The following XPO6 variants were observed in gnomAD, a reference collection of about 807,000 sequenced individuals.
XPO6 encodes the protein exportin-6.
XPO6 carries 3 observed loss-of-function variants against 130.0 expected under a neutral mutation model. That is an observed-to-expected ratio of 0.02 (90% CI 0.01 to 0.06). The LOEUF is 0.06. Ranked by LOEUF, XPO6 falls within the 10% of genes least tolerant of loss-of-function variation. The pLI is 1.00. For synonymous variants in XPO6, 524 were observed against 548.9 expected (o/e 0.95, Z 0.63); for missense variants, 970 against 1,393.0 (o/e 0.70, Z 4.83).
intron 9 of XPO6, among the ~76,000 whole-genome samples, chr16:28,137,075 T>C (rs1384445945): frequency 6.6e-6 from 1 of 152,258 alleles, no homozygotes; most frequent in Non-Finnish European, 1.5e-5. Flanking sequence ...CAGAAGCAAC[T>C]GGTTCCGGTT....
chr16:28,180,012 A>G (rs7185547), intron 2 of XPO6, among the ~76,000 whole-genome samples: 7 of 152,260 alleles, frequency 4.6e-5, no homozygotes, highest in African/African-American at 1.2e-4. Flanking sequence ...TAAAAGAATC[A>G]AAAGCATTTC....
chr16:28,135,964 T>C (rs1225109137), intron 9 of XPO6, among the ~76,000 whole-genome samples: 1 of 152,224 alleles, frequency 6.6e-6, no homozygotes, highest in Non-Finnish European at 1.5e-5. Flanking sequence ...TTACTAAGTA[T>C]TTTCAAGTTA....
chr16:28,201,369 T>C (rs1003943404), intron 1 of XPO6, among the ~76,000 whole-genome samples: 1 of 152,148 alleles, frequency 6.6e-6, no homozygotes, highest in Non-Finnish European at 1.5e-5. Flanking sequence ...TAATTACTCA[T>C]GTATCTGCTG....
chr16:28,185,960 C>A (rs866203714), intron 1 of XPO6, among the ~76,000 whole-genome samples: 43 of 152,284 alleles, frequency 2.8e-4, no homozygotes, highest in South Asian at 1.0e-3. Context: ...TGCAACTGTG[C>A]CTGCCCTGAC....
chr16:28,118,677 T>C (rs774333774), intron 14 of XPO6, among the ~76,000 whole-genome samples: 1 of 152,194 alleles, frequency 6.6e-6, no homozygotes, highest in African/African-American at 2.4e-5. Context: ...TCACTTTGAA[T>C]GAGTAGATTA....
chr16:28,113,748 T>G (rs1041870649), intron 15 of XPO6, among the ~76,000 whole-genome samples: 1 of 151,812 alleles, frequency 6.6e-6, no homozygotes, highest in East Asian at 1.9e-4. Context: ...CCTAAAAGGG[T>G]AAAGCTACAT....
At chr16:28,181,501 G>A (rs1338737583) in intron 1 of XPO6, among the ~76,000 whole-genome samples, 2 of 143,282 alleles carry the variant, frequency 1.4e-5, no homozygotes, top group Non-Finnish European at 3.1e-5. Flanking sequence ...GGGTTTGGGG[G>A]GTAACCAGGG....
intron 16 of XPO6, 71 bp downstream of exon 16, chr16:28,112,833 T>C (rs2086959619): frequency 3.9e-6 from 6 of 1,546,974 alleles, no homozygotes; most frequent in Non-Finnish European, 5.2e-6. Flanking sequence ...AAGGCCAGAC[T>C]CTTCTTCCTC....
intron 12 of XPO6, among the ~76,000 whole-genome samples, chr16:28,130,998 G>C (rs574356871): frequency 1.8e-4 from 28 of 152,236 alleles, no homozygotes; most frequent in Middle Eastern, 6.8e-3. Flanking sequence ...AATTTGAATA[G>C]TGGTCCTGAA....
intron 1 of XPO6, among the ~76,000 whole-genome samples, chr16:28,197,914 TAAAAAAAAA>T (rs56896819): frequency 6.6e-5 from 3 of 45,730 alleles, no homozygotes; most frequent in African/African-American, 2.8e-4. Context: ...GAGAGACTCT[TAAAAAAAAA>T]AAAAAAAAAA....
chr16:28,100,087 A>T (rs576692552), intron 23 of XPO6, among the ~76,000 whole-genome samples: 20 of 152,166 alleles, frequency 1.3e-4, no homozygotes, highest in African/African-American at 4.6e-4. Flanking sequence ...TCCCGGGTTC[A>T]AGAGATTCTT....
At chr16:28,171,699 T>C (rs1206283594) in intron 4 of XPO6, among the ~76,000 whole-genome samples, 1 of 152,190 alleles carries the variant, frequency 6.6e-6, no homozygotes, top group Non-Finnish European at 1.5e-5. Flanking sequence ...AAACTTTGTA[T>C]ATTCTCCACA....
intron 6 of XPO6, among the ~76,000 whole-genome samples, chr16:28,164,912 T>A (rs192199537): frequency 2.0e-5 from 3 of 152,128 alleles, no homozygotes; most frequent in Non-Finnish European, 4.4e-5. Context: ...CTAAAATAAA[T>A]CTAACTCAAA....
At chr16:28,188,498 C>T (rs184954404) in intron 1 of XPO6, among the ~76,000 whole-genome samples, 104 of 152,028 alleles carry the variant, frequency 6.8e-4, no homozygotes, top group African/African-American at 2.5e-3. Flanking sequence ...TGATTCTATC[C>T]CTGCTGCCAA....
intron 12 of XPO6, among the ~76,000 whole-genome samples, chr16:28,126,100 G>A (rs1403955245): frequency 3.3e-5 from 5 of 152,354 alleles, no homozygotes; most frequent in East Asian, 1.9e-4. Context: ...AGCCTGGAGT[G>A]TGCTAACGTG....
rs188771391 is a variant in XPO6, at chr16:28,189,708, G to A, written c.4-8677C>T. ...CAATCTGGAACAAAGTCATCCCCTCGCATGAGAAAGGCTTCTTGTTTTCTT... is the reference window on the plus strand; with the variant it reads ...CAATCTGGAACAAAGTCATCCCCTCACATGAGAAAGGCTTCTTGTTTTCTT... On this transcript the variant is annotated intron_variant, in intron 1 of 23. Transcript: ENST00000304658. Among the ~76,000 whole-genome samples the A allele has an allele frequency of 3.8e-4, 58 of 152,142 alleles. No homozygotes were observed. The East Asian group carries it at 8.5e-3, about 22-fold the overall frequency.
intron 6 of XPO6, among the ~76,000 whole-genome samples, chr16:28,162,720 G>A (rs1335678567): frequency 1.3e-5 from 2 of 151,722 alleles, no homozygotes; most frequent in African/African-American, 4.9e-5. Flanking sequence ...GAGCCACCAT[G>A]CCCAGATATA....
At chr16:28,164,814 T>C (rs1425486102) in intron 6 of XPO6, among the ~76,000 whole-genome samples, 1 of 152,224 alleles carries the variant, frequency 6.6e-6, no homozygotes, top group Non-Finnish European at 1.5e-5. Context: ...AGAACCTGTT[T>C]GGATGAAGCC....
In XPO6 at chr16:28,211,658, G is replaced by C; in HGVS notation, c.-290C>G. ...GCCGGCGAGGAGGGCAGCTGCTCGGGACCCCCGCCCGGGCCCGACCCCCGC... is the reference window on the plus strand; with the variant it reads ...GCCGGCGAGGAGGGCAGCTGCTCGGCACCCCCGCCCGGGCCCGACCCCCGC... On this transcript the variant is annotated 5_prime_UTR_variant, in exon 1 of 24. Transcript: ENST00000304658. 2.5e-6 allele frequency: 1 copy of C among 397,328 alleles called. No homozygotes were observed. Among genetic ancestry groups the C allele is most frequent in the Non-Finnish European group, 4.4e-6 (1 of 225,644 alleles). The allele number at this position is 397,328 out of a possible 1,614,324, so 24.6% of individuals were successfully genotyped here.
Sources: gnomAD v4.1 joint callset for allele counts (sites outside exome capture counted in the v4.1 genomes callset) on GRCh38, gnomAD v4.1.1 for gene constraint, MANE v1.5 for transcripts, NCBI Gene and HGNC (gene_info 2026-07-23, HGNC 2026-07-21) for gene names.